Variants in DLC1 observed in about 807,000 individuals in gnomAD.
DLC1 encodes DLC1 Rho GTPase activating protein, also known as rho GTPase-activating protein 7.
In DLC1, 54 loss-of-function variants were observed where a neutral mutation model predicts 140.3. That is an observed-to-expected ratio of 0.38 (90% confidence interval 0.31 to 0.48). The LOEUF (loss-of-function observed/expected upper bound fraction) is 0.48, where lower values mean the gene tolerates loss of function less well. DLC1 is among the 20% of genes least tolerant of loss of function. The probability of loss-of-function intolerance (pLI) is 0.96; values close to 1 mark genes in which losing one functional copy is unlikely to be tolerated. For missense variants in DLC1, 2,536 were observed against 1,907.0 expected (o/e 1.33, Z -6.14); for synonymous variants, 986 against 728.1 (o/e 1.35, Z -5.70).
intron 5 of DLC1, among the ~76,000 whole-genome samples, chr8:13,153,547 A>G (rs1237727525): frequency 6.6e-6 from 1 of 152,116 alleles, no homozygotes; most frequent in Non-Finnish European, 1.5e-5. Flanking sequence ...TTATTCCCTT[A>G]TGTGGTCCCA....
At chr8:13,502,427 C>T (rs1801862485) in intron 1 of DLC1, among the ~76,000 whole-genome samples, 1 of 151,974 alleles carries the variant, frequency 6.6e-6, no homozygotes, top group South Asian at 2.1e-4. Context: ...TCATTCATTC[C>T]ATGTCATGTG....
chr8:13,565,303 A>T (rs972377064), intron 1 of DLC1, among the ~76,000 whole-genome samples: 2 of 152,190 alleles, frequency 1.3e-5, no homozygotes, highest in Non-Finnish European at 2.9e-5. Context: ...ACACAGATAG[A>T]TTTTATTTTA....
At chr8:13,285,360 T>G (rs114169069) in intron 5 of DLC1, among the ~76,000 whole-genome samples, 1 of 152,146 alleles carries the variant, frequency 6.6e-6, no homozygotes, top group Admixed American at 6.5e-5. Context: ...AAAAGAAACC[T>G]TGAGCTTTAC....
rs897968444 is a variant in DLC1 at position 13,099,291 on chromosome 8, C to A, written c.2990+56G>T. 28 of 1,557,868 alleles carry A rather than the reference C, an allele frequency of 1.8e-5. No homozygotes were observed. In the African/African-American group the frequency reaches 3.6e-4, roughly 20 times the overall value. On this transcript the variant is annotated intron_variant, in intron 9 of 17. Transcript: ENST00000276297. ...TTTCTTCCCACAGAACAAGCACAGG[C>A]AATGTCTTTCTGACCCCCAGTGCCC... is the stretch of plus-strand genomic sequence containing the variant.
intron 1 of DLC1, among the ~76,000 whole-genome samples, chr8:13,540,944 A>G (rs1208459720): frequency 6.6e-6 from 1 of 152,224 alleles, no homozygotes; most frequent in African/African-American, 2.4e-5. Context: ...GTTAAGCCAT[A>G]CCACAATTCT....
intron 1 of DLC1, among the ~76,000 whole-genome samples, chr8:13,554,965 C>T (rs1051414772): frequency 6.6e-6 from 1 of 152,222 alleles, no homozygotes; most frequent in African/African-American, 2.4e-5. Flanking sequence ...AATCTGCTCC[C>T]ACCCACAAAG....
chr8:13,283,855 G>A (rs1831451499), intron 5 of DLC1, among the ~76,000 whole-genome samples: 1 of 152,198 alleles, frequency 6.6e-6, no homozygotes, highest in African/African-American at 2.4e-5. Context: ...TTAGGGGAAT[G>A]GAGGCAGCTA....
At position 13,084,862 on chromosome 8, in the gene DLC1, T is replaced by C. The variant is rs1345121994; in HGVS notation, c.*949A>G. ...GGCGTTTCTGTTACAAACACAAAAA[T>C]GCAAAGAATTCTAACAGGGAAAAAG... On this transcript the variant is annotated 3_prime_UTR_variant, in exon 18 of 18. Coordinates refer to ENST00000276297, the MANE Select transcript of DLC1 (RefSeq NM_182643.3). The C allele has an allele frequency of 6.6e-6, 1 of 152,152 alleles. No homozygotes were observed. Among genetic ancestry groups the C allele is most frequent in the Non-Finnish European group, 1.5e-5 (1 of 68,024 alleles). The allele number at this position is 152,152 out of a possible 1,614,324, so 9.4% of individuals were successfully genotyped here. A position where few individuals can be genotyped will look rare whatever the true frequency, so the allele number is the denominator to read the frequency against.
chr8:13,293,936 G>A (rs1478925069), intron 5 of DLC1, among the ~76,000 whole-genome samples: 1 of 152,136 alleles, frequency 6.6e-6, no homozygotes, highest in African/African-American at 2.4e-5. Flanking sequence ...AAATAATATA[G>A]TTCTGTAGCC....
intron 1 of DLC1, among the ~76,000 whole-genome samples, chr8:13,599,564 C>G (rs1339287444): frequency 6.6e-6 from 1 of 151,776 alleles, no homozygotes; most frequent in Non-Finnish European, 1.5e-5. Context: ...AAAGAACAAA[C>G]CAAGAACCTA....
chr8:13,584,821 A>C (rs1423194105), intron 1 of DLC1, among the ~76,000 whole-genome samples: 1 of 152,124 alleles, frequency 6.6e-6, no homozygotes, highest in East Asian at 1.9e-4. Flanking sequence ...GGCTCTTCCT[A>C]CCCAATCCTC....
intron 9 of DLC1, among the ~76,000 whole-genome samples, chr8:13,098,814 C>T (rs980715783): frequency 2.0e-5 from 3 of 152,060 alleles, no homozygotes; most frequent in African/African-American, 4.8e-5. Context: ...TAGAGTCTCC[C>T]TATGTTGTCC....
intron 5 of DLC1, among the ~76,000 whole-genome samples, chr8:13,198,179 C>T (rs1389671545): frequency 6.6e-6 from 1 of 152,070 alleles, no homozygotes; most frequent in South Asian, 2.1e-4. Flanking sequence ...AAGAAAGTGA[C>T]GATCACAAGT....
At chr8:13,225,930 T>C (rs1190195600) in intron 5 of DLC1, among the ~76,000 whole-genome samples, 1 of 152,110 alleles carries the variant, frequency 6.6e-6, no homozygotes, top group African/African-American at 2.4e-5. Flanking sequence ...TTTTATTTTT[T>C]GAGAAGCGGT....
intron 1 of DLC1, among the ~76,000 whole-genome samples, chr8:13,540,986 T>C: frequency 6.6e-6 from 1 of 152,254 alleles, no homozygotes; most frequent in East Asian, 1.9e-4. Flanking sequence ...TATTCTACAC[T>C]ACTTTGCTAT....
intron 4 of DLC1, among the ~76,000 whole-genome samples, chr8:13,313,907 ATTC>A (rs1832772205): frequency 6.6e-6 from 1 of 151,974 alleles, no homozygotes; most frequent in African/African-American, 2.4e-5. Flanking sequence ...AGGTGGGCCT[ATTC>A]TTTGTCCTTT....
intron 8 of DLC1, among the ~76,000 whole-genome samples, chr8:13,101,910 C>A (rs1819126878): frequency 6.6e-6 from 1 of 152,152 alleles, no homozygotes; most frequent in Non-Finnish European, 1.5e-5. Flanking sequence ...CGGTATGATA[C>A]ATGTCTTTTC....
At chr8:13,306,071 C>T (rs1229408970) in intron 4 of DLC1, among the ~76,000 whole-genome samples, 6 of 152,100 alleles carry the variant, frequency 3.9e-5, no homozygotes, top group African/African-American at 1.4e-4. Context: ...TAGATAATCA[C>T]ATCTACTTCA....
chr8:13,395,887 T>G (rs1305920306), intron 3 of DLC1, among the ~76,000 whole-genome samples: 1 of 151,842 alleles, frequency 6.6e-6, no homozygotes, highest in African/African-American at 2.4e-5. Flanking sequence ...AAACTACATT[T>G]TACCCTAAGA....
Sources: gnomAD v4.1 joint callset for allele counts (sites outside exome capture counted in the v4.1 genomes callset) on GRCh38, gnomAD v4.1.1 for gene constraint, MANE v1.5 for transcripts, NCBI Gene and HGNC (gene_info 2026-07-23, HGNC 2026-07-21) for gene names.